FRMPD4: variants seen among roughly 807,000 people sequenced by gnomAD.
The protein encoded by FRMPD4 is FERM and PDZ domain containing 4.
In FRMPD4, 22 loss-of-function variants were observed where a neutral mutation model predicts 94.1. The ratio of observed to expected loss-of-function variants is 0.23; its 90% CI spans 0.17 to 0.33. FRMPD4 has a LOEUF of 0.33. FRMPD4 is among the 10% of genes least tolerant of loss of function. The probability of loss-of-function intolerance (pLI) is 1.00; values close to 1 mark genes in which losing one functional copy is unlikely to be tolerated. For missense variants in FRMPD4, 1,111 were observed against 1,339.9 expected (o/e 0.83, Z 2.67); for synonymous variants, 631 against 548.6 (o/e 1.15, Z -2.10).
chrX:11,927,110 C>T (rs1355727069), intron 3 of FRMPD4, among the ~76,000 whole-genome samples: 1 of 108,869 alleles, frequency 9.2e-6, no homozygotes, highest in Non-Finnish European at 1.9e-5. Flanking sequence ...CAACAACAGT[C>T]AAGCCAAATC....
chrX:12,591,400 G>A (rs2148394168), intron 2 of FRMPD4, among the ~76,000 whole-genome samples: 1 of 111,934 alleles, frequency 8.9e-6, no homozygotes, highest in South Asian at 3.8e-4. Flanking sequence ...CTTTTCAGGA[G>A]TGGCAGAGGT....
At chrX:12,230,985 G>C (rs1301306705) in intron 1 of FRMPD4, among the ~76,000 whole-genome samples, 2 of 45,633 alleles carry the variant, frequency 4.4e-5, no homozygotes, top group African/African-American at 1.6e-4. Flanking sequence ...AATATATATA[G>C]TATATATAGT....
chrX:12,364,403 G>T (rs560728400), intron 1 of FRMPD4, among the ~76,000 whole-genome samples: 2 of 111,361 alleles, frequency 1.8e-5, no homozygotes, highest in South Asian at 7.7e-4. Context: ...GGATGATCAG[G>T]CTTGGGAGTG....
chrX:12,344,697 T>C (rs367969913), intron 1 of FRMPD4, among the ~76,000 whole-genome samples: 2 of 112,446 alleles, frequency 1.8e-5, no homozygotes, highest in African/African-American at 6.5e-5. Context: ...TTTTGTACTT[T>C]AGTGAGATTT....
intron 3 of FRMPD4, among the ~76,000 whole-genome samples, chrX:12,084,436 G>GA (rs144640554): frequency 0.017 from 1,905 of 108,869 alleles, 13 homozygotes; most frequent in African/African-American, 0.031. Flanking sequence ...TCAGCAATGT[G>GA]AAAAAAAAAC....
chrX:12,094,137 G>A (rs1331982875), intron 3 of FRMPD4, among the ~76,000 whole-genome samples: 1 of 111,851 alleles, frequency 8.9e-6, no homozygotes, highest in Admixed American at 9.5e-5. Flanking sequence ...TTAATATACT[G>A]CTGCTTATTC....
chrX:12,286,668 G>A (rs983998925), intron 1 of FRMPD4, among the ~76,000 whole-genome samples: 2 of 111,777 alleles, frequency 1.8e-5, no homozygotes, highest in Non-Finnish European at 3.8e-5. Flanking sequence ...GACTGAGTAT[G>A]AATTATATCT....
chrX:12,645,882 T>G lies in FRMPD4; in HGVS notation c.423-28981T>G, dbSNP rs193025321. Among the ~76,000 whole-genome samples the G allele has an allele frequency of 2.9e-3, 323 of 112,312 alleles. 5 individuals are homozygous for G. Among genetic ancestry groups the G allele is most frequent in the African/African-American group, 0.01 (313 of 30,948 alleles). On this transcript the variant is annotated intron_variant, in intron 4 of 16. Transcript: ENST00000675598. ...TTTTCAATTCTGAAACTCTGAACTCTAGTTTTGGACATGAGATTAAGCTTC... is the reference window on the plus strand; with the variant it reads ...TTTTCAATTCTGAAACTCTGAACTCGAGTTTTGGACATGAGATTAAGCTTC...
intron 1 of FRMPD4, among the ~76,000 whole-genome samples, chrX:12,439,656 C>T (rs770600097): frequency 8.9e-6 from 1 of 111,837 alleles, no homozygotes; most frequent in African/African-American, 3.3e-5. Flanking sequence ...CTTTTATAAC[C>T]CTTGAAATTA....
intron 2 of FRMPD4, among the ~76,000 whole-genome samples, chrX:12,603,808 T>TA (rs890901880): frequency 5.5e-5 from 6 of 109,363 alleles, no homozygotes; most frequent in Admixed American, 9.9e-5. Flanking sequence ...GTGTCTTTAT[T>TA]AAAAAAAAAT....
intron 2 of FRMPD4, among the ~76,000 whole-genome samples, chrX:12,563,508 A>G (rs1239770653): frequency 8.9e-6 from 1 of 111,807 alleles, no homozygotes; most frequent in African/African-American, 3.3e-5. Flanking sequence ...AAAGATCTCT[A>G]CTCACCACCC....
intron 1 of FRMPD4, among the ~76,000 whole-genome samples, chrX:12,460,013 T>C (rs1328987719): frequency 8.9e-6 from 1 of 112,020 alleles, no homozygotes; most frequent in Non-Finnish European, 1.9e-5. Context: ...TGAGACCTCA[T>C]TGTGGTTTCA....
In FRMPD4 at chrX:12,490,087, T is replaced by C. The variant is rs781192503; in HGVS notation, c.42-8593T>C. On this transcript the variant is annotated intron_variant, in intron 1 of 16. Coordinates refer to ENST00000675598, the MANE Select transcript of FRMPD4 (RefSeq NM_001368397.1). ...GCACTGGATGCTTGAAAAAGAGAAATAGAGCTCTCAGACTACATTCTATCC... is the reference window on the plus strand; with the variant it reads ...GCACTGGATGCTTGAAAAAGAGAAACAGAGCTCTCAGACTACATTCTATCC... 3.6e-5 allele frequency among the ~76,000 whole-genome samples: 4 copies of C among 111,133 alleles called. No individual in the cohort carries two copies. In the Admixed American group the frequency reaches 3.8e-4, roughly 11 times the overall value.
intron 8 of FRMPD4, among the ~76,000 whole-genome samples, chrX:12,694,041 T>C (rs1042496389): frequency 2.7e-5 from 3 of 111,349 alleles, no homozygotes. Context: ...CACCCTTGCT[T>C]GGCTTCCTCT....
intron 1 of FRMPD4, among the ~76,000 whole-genome samples, chrX:12,321,627 A>G (rs770852043): frequency 1.8e-5 from 2 of 112,024 alleles, no homozygotes; most frequent in East Asian, 2.8e-4. Flanking sequence ...ACAACTTACA[A>G]TGCGTTTATT....
chrX:12,116,524 C>T (rs921759674), intron 3 of FRMPD4, among the ~76,000 whole-genome samples: 10 of 111,790 alleles, frequency 8.9e-5, no homozygotes, highest in African/African-American at 2.9e-4. Flanking sequence ...ATTTGAACTA[C>T]GGGAACTGAA....
At chrX:12,462,516 A>G (rs963499903) in intron 1 of FRMPD4, among the ~76,000 whole-genome samples, 2 of 111,903 alleles carry the variant, frequency 1.8e-5, no homozygotes, top group Non-Finnish European at 3.8e-5. Context: ...CCAACTTTAT[A>G]TAGTTACAGA....
intron 1 of FRMPD4, among the ~76,000 whole-genome samples, chrX:12,408,655 T>C (rs932866916): frequency 9.0e-6 from 1 of 111,330 alleles, no homozygotes; most frequent in South Asian, 3.8e-4. Flanking sequence ...ATACTGAAGC[T>C]CAGTAAATGG....
chrX:12,410,210 C>A (rs749672453), intron 1 of FRMPD4, among the ~76,000 whole-genome samples: 11 of 111,575 alleles, frequency 9.9e-5, no homozygotes, highest in African/African-American at 3.6e-4. Flanking sequence ...CCCTATGCCA[C>A]TCCCATTTAC....
Sources: allele counts gnomAD v4.1 joint callset (sites outside exome capture counted in the v4.1 genomes callset), GRCh38; gene constraint gnomAD v4.1.1; transcripts MANE v1.5; gene names NCBI Gene and HGNC (gene_info 2026-07-23, HGNC 2026-07-21).